The following SYNJ2BP variants were observed in gnomAD, a reference collection of about 807,000 sequenced individuals.
SYNJ2BP encodes the protein synaptojanin 2 binding protein.
SYNJ2BP carries 10 observed loss-of-function variants against 16.9 expected under a neutral mutation model. That is an observed-to-expected ratio of 0.59 (90% CI 0.36 to 1.00). The LOEUF is 1.00. Among genes scored for constraint, SYNJ2BP ranks in the 50% least tolerant of loss-of-function variants. SYNJ2BP has a pLI of 0.01. For missense variants in SYNJ2BP, 162 were observed against 186.7 expected (o/e 0.87, Z 0.77); for synonymous variants, 54 against 68.4 (o/e 0.79, Z 1.04).
intron 1 of SYNJ2BP, among the ~76,000 whole-genome samples, chr14:70,397,051 T>C (rs992332253): frequency 3.3e-5 from 5 of 152,238 alleles, no homozygotes; most frequent in African/African-American, 7.2e-5. Context: ...CAAGAAATCA[T>C]AGCCAAATCG....
chr14:70,373,204 T>C, intron 3 of SYNJ2BP, 73 bp from the exon 4 acceptor site: 1 of 1,575,904 alleles, frequency 6.3e-7, no homozygotes, highest in Non-Finnish European at 8.6e-7. Context: ...GGTTGATACA[T>C]CACCTGGGTT....
Position 70,372,893 on chromosome 14 carries a change from C to T in SYNJ2BP, c.*98G>A. The T allele has an allele frequency of 6.5e-6, 10 of 1,542,512 alleles. No individual in the cohort carries two copies. The highest frequency in any genetic ancestry group is 4.5e-5 in the East Asian group (2 of 44,428). On this transcript the variant is annotated 3_prime_UTR_variant, in exon 4 of 4. Coordinates refer to ENST00000256366, the MANE Select transcript of SYNJ2BP (RefSeq NM_018373.3). Reference sequence around the variant, plus strand: ...GGGGTGGGTATCAGTCACTTCAAATCTGGCTATGCAGAGAGAGGGAAAGAC... The same window carrying T: ...GGGGTGGGTATCAGTCACTTCAAATTTGGCTATGCAGAGAGAGGGAAAGAC...
At chr14:70,400,299 C>T (rs538340497) in intron 1 of SYNJ2BP, among the ~76,000 whole-genome samples, 18 of 152,302 alleles carry the variant, frequency 1.2e-4, no homozygotes, top group African/African-American at 3.1e-4. Context: ...TAACCCAATA[C>T]GATAACCCTA....
At chr14:70,390,100 G>C (rs964752133) in intron 1 of SYNJ2BP, among the ~76,000 whole-genome samples, 1 of 152,104 alleles carries the variant, frequency 6.6e-6, no homozygotes, top group Non-Finnish European at 1.5e-5. Flanking sequence ...GAGTACCAAA[G>C]TGCTATTTCT....
chr14:70,382,249 CA>C (rs372536960), intron 2 of SYNJ2BP, among the ~76,000 whole-genome samples: 19 of 151,832 alleles, frequency 1.3e-4, no homozygotes, highest in African/African-American at 4.6e-4. Context: ...CAAAACAAAA[CA>C]AAACAAAAAA....
intron 2 of SYNJ2BP, among the ~76,000 whole-genome samples, chr14:70,382,942 T>C (rs188170474): frequency 1.0e-3 from 154 of 151,464 alleles, no homozygotes; most frequent in African/African-American, 3.4e-3. Context: ...CTTGTAAATG[T>C]AGAGACATAG....
chr14:70,377,088 A>G (rs772214454), intron 2 of SYNJ2BP, among the ~76,000 whole-genome samples: 15 of 152,244 alleles, frequency 9.9e-5, no homozygotes, highest in Admixed American at 4.6e-4. Flanking sequence ...TCAATATTAG[A>G]CATGCTTCAG....
chr14:70,385,402 G>A (rs1887838770), intron 2 of SYNJ2BP, among the ~76,000 whole-genome samples: 1 of 152,012 alleles, frequency 6.6e-6, no homozygotes, highest in African/African-American at 2.4e-5. Context: ...CGTCGCCCAG[G>A]CTGGAGTGCG....
At chr14:70,387,954 C>T (rs7150558) in intron 2 of SYNJ2BP, among the ~76,000 whole-genome samples, 132,845 of 152,102 alleles carry the variant, frequency 0.87, 58,065 homozygotes, top group East Asian at 0.93. Flanking sequence ...GGGAACACAG[C>T]GGACAGGTAC....
At chr14:70,391,117 C>T (rs111368190) in intron 1 of SYNJ2BP, among the ~76,000 whole-genome samples, 6,864 of 151,934 alleles carry the variant, frequency 0.045, 498 homozygotes, top group African/African-American at 0.16. Flanking sequence ...AGAGTGAGAC[C>T]CCCATCTCAA....
chr14:70,371,378 T>A lies in SYNJ2BP; in HGVS notation c.*1613A>T, dbSNP rs1210488832. On this transcript the variant is annotated 3_prime_UTR_variant, in exon 4 of 4. Transcript: ENST00000256366. The stretch of plus-strand genomic sequence containing the variant: ...GCAAAAAGGTTTATTAAAAGCCGTA[T>A]GTAGTGTATAAAGCCTTTCAAAAAT... 2.0e-5 allele frequency: 3 copies of A among 152,232 alleles called. No homozygotes were observed. The highest frequency in any genetic ancestry group is 7.2e-5 in the African/African-American group (3 of 41,478). The allele number at this position is 152,232 out of a possible 1,614,324, so 9.4% of individuals were successfully genotyped here. A position where few individuals can be genotyped will look rare whatever the true frequency, so the allele number is the denominator to read the frequency against.
chr14:70,378,370 C>G (rs1193084530), intron 2 of SYNJ2BP, among the ~76,000 whole-genome samples: 1 of 151,942 alleles, frequency 6.6e-6, no homozygotes, highest in Non-Finnish European at 1.5e-5. Context: ...TATTACTTCC[C>G]ACAAAAATCA....
chr14:70,401,471 T>TG (rs1366372403), intron 1 of SYNJ2BP, among the ~76,000 whole-genome samples: 3 of 150,088 alleles, frequency 2.0e-5, no homozygotes, highest in African/African-American at 7.3e-5. Context: ...GGCTATCTTT[T>TG]GTGGGGGGGA....
At chr14:70,410,510 CTG>C (rs1263675471) in intron 1 of SYNJ2BP, among the ~76,000 whole-genome samples, 15 of 152,238 alleles carry the variant, frequency 9.9e-5, no homozygotes, top group Non-Finnish European at 1.5e-5. Context: ...TTACTGACCA[CTG>C]TGTGTCATGC....
chr14:70,416,018 C>T (rs1296515857), intron 1 of SYNJ2BP, among the ~76,000 whole-genome samples: 1 of 152,146 alleles, frequency 6.6e-6, no homozygotes, highest in African/African-American at 2.4e-5. Flanking sequence ...CAATAAGTAT[C>T]AAGAATCAGT....
chr14:70,405,915 T>C (rs1364461033), intron 1 of SYNJ2BP, among the ~76,000 whole-genome samples: 3 of 152,232 alleles, frequency 2.0e-5, no homozygotes, highest in Non-Finnish European at 2.9e-5. Flanking sequence ...TATTCAAGAG[T>C]AAAGGTCTTT....
chr14:70,372,843 T>C lies in SYNJ2BP; in HGVS notation c.*148A>G. On this transcript the variant is annotated 3_prime_UTR_variant, in exon 4 of 4. Coordinates refer to ENST00000256366, the MANE Select transcript of SYNJ2BP (RefSeq NM_018373.3). Reference sequence around the variant, plus strand: ...TACTTTCCCATTAGAATATGAAGAATTGGAGACTGTGAACAGCAAGGTTTG... The same window carrying C: ...TACTTTCCCATTAGAATATGAAGAACTGGAGACTGTGAACAGCAAGGTTTG... The C allele has an allele frequency of 8.6e-7, 1 of 1,164,580 alleles. No individual in the cohort carries two copies. The highest frequency in any genetic ancestry group is 1.2e-6 in the Non-Finnish European group (1 of 829,248). 72.1% of individuals were successfully genotyped at this position (1,164,580 alleles called of 1,614,324 possible).
intron 2 of SYNJ2BP, among the ~76,000 whole-genome samples, chr14:70,379,131 G>A (rs1035697614): frequency 1.3e-5 from 2 of 152,060 alleles, no homozygotes; most frequent in African/African-American, 4.8e-5. Context: ...GAAGACTCTT[G>A]GTTTAAAATA....
chr14:70,413,129 G>T (rs1888525584), intron 1 of SYNJ2BP, among the ~76,000 whole-genome samples: 1 of 152,124 alleles, frequency 6.6e-6, no homozygotes, highest in Non-Finnish European at 1.5e-5. Flanking sequence ...GTCTAAAATG[G>T]CAGGAAATAA....
Sources: allele counts gnomAD v4.1 joint callset (sites outside exome capture counted in the v4.1 genomes callset), GRCh38; gene constraint gnomAD v4.1.1; transcripts MANE v1.5; gene names NCBI Gene and HGNC (gene_info 2026-07-23, HGNC 2026-07-21).